The following GPC6 variants were observed in gnomAD, a reference collection of about 807,000 sequenced individuals.
GPC6 encodes the protein glypican-6.
Under a neutral mutation model 55.2 loss-of-function variants are expected in GPC6, and 14 were observed. That is an observed-to-expected ratio of 0.25 (90% CI 0.17 to 0.40). The LOEUF is 0.40. GPC6 is among the 10% of genes least tolerant of loss of function. GPC6 has a pLI of 1.00. For synonymous variants in GPC6, 278 were observed against 259.6 expected, an observed-to-expected ratio of 1.07 and a Z score of -0.68; for missense variants, 641 against 708.5, an observed-to-expected ratio of 0.90 and a Z score of 1.08.
At chr13:94,246,396 C>A (rs887375962) in intron 4 of GPC6, among the ~76,000 whole-genome samples, 13 of 151,966 alleles carry the variant, frequency 8.6e-5, no homozygotes, top group Admixed American at 3.9e-4. Flanking sequence ...GCTTTTGTAG[C>A]CTAAGATTTT....
intron 3 of GPC6, among the ~76,000 whole-genome samples, chr13:93,928,241 T>C (rs1877961908): frequency 6.6e-6 from 1 of 152,172 alleles, no homozygotes; most frequent in Non-Finnish European, 1.5e-5. Context: ...TTAAACTGTA[T>C]TGTAAAATAA....
chr13:93,998,717 GA>G (rs913949874), intron 3 of GPC6, among the ~76,000 whole-genome samples: 4 of 151,744 alleles, frequency 2.6e-5, no homozygotes, highest in Admixed American at 6.6e-5. Flanking sequence ...ATTTTTAATT[GA>G]AAAAAATTGT....
At chr13:93,794,187 A>G (rs1886131264) in intron 2 of GPC6, among the ~76,000 whole-genome samples, 2 of 152,248 alleles carry the variant, frequency 1.3e-5, no homozygotes, top group Admixed American at 1.3e-4. Flanking sequence ...CATGGTTCAA[A>G]GAGAAATAGC....
chr13:93,599,623 G>A (rs1479331186), intron 2 of GPC6, among the ~76,000 whole-genome samples: 2 of 152,152 alleles, frequency 1.3e-5, no homozygotes, highest in African/African-American at 2.4e-5. Flanking sequence ...TTAGGAGGGG[G>A]GAAGCAGAGA....
intron 3 of GPC6, among the ~76,000 whole-genome samples, chr13:93,992,541 T>A (rs1881358409): frequency 6.6e-6 from 1 of 152,182 alleles, no homozygotes; most frequent in Non-Finnish European, 1.5e-5. Flanking sequence ...AACAGAATAT[T>A]TTCCTTGCTT....
chr13:93,443,433 AT>A (rs1218257083), intron 1 of GPC6, among the ~76,000 whole-genome samples: 5 of 152,192 alleles, frequency 3.3e-5, no homozygotes, highest in Non-Finnish European at 5.9e-5. Flanking sequence ...TTTTTACTGA[AT>A]TTATTTAAGC....
At chr13:94,107,735 A>T (rs541513236) in intron 4 of GPC6, among the ~76,000 whole-genome samples, 1 of 152,174 alleles carries the variant, frequency 6.6e-6, no homozygotes, top group South Asian at 2.1e-4. Context: ...AAGGACATGA[A>T]TAGACAATTC....
chr13:94,137,384 A>G (rs948603991), intron 4 of GPC6, among the ~76,000 whole-genome samples: 10 of 152,108 alleles, frequency 6.6e-5, no homozygotes, highest in African/African-American at 2.4e-4. Flanking sequence ...GAAAATAGGC[A>G]GGGGATTTGT....
chr13:93,995,972 AG>A (rs1229363237), intron 3 of GPC6, among the ~76,000 whole-genome samples: 3 of 152,220 alleles, frequency 2.0e-5, no homozygotes, highest in Non-Finnish European at 4.4e-5. Flanking sequence ...AGATATCCTA[AG>A]AAAACTTACA....
intron 4 of GPC6, among the ~76,000 whole-genome samples, chr13:94,110,145 T>C (rs771914132): frequency 2.6e-5 from 4 of 151,666 alleles, no homozygotes; most frequent in Non-Finnish European, 5.9e-5. Context: ...GCAGAAGTCT[T>C]AATGACTTCT....
rs147877868 is a variant in GPC6, at chr13:93,427,739, CT to C, written c.161-117523del. On this transcript the variant is annotated intron_variant, in intron 1 of 8. Coordinates refer to ENST00000377047, the MANE Select transcript of GPC6 (RefSeq NM_005708.5). Reference sequence around the variant, plus strand: ...ACATTCATCTTTAAACTTCCAGCCCCTAGCACAGCAATAGCCTCATAAGCAC... The same window carrying C: ...ACATTCATCTTTAAACTTCCAGCCCCAGCACAGCAATAGCCTCATAAGCAC... Among the ~76,000 whole-genome samples, 535 of 152,218 alleles carry C rather than the reference CT, an allele frequency of 3.5e-3. 4 individuals carry two copies. The highest frequency in any genetic ancestry group is 0.012 in the African/African-American group (506 of 41,542).
intron 4 of GPC6, among the ~76,000 whole-genome samples, chr13:94,069,936 A>G (rs565170702): frequency 6.6e-6 from 1 of 152,268 alleles, no homozygotes; most frequent in African/African-American, 2.4e-5. Flanking sequence ...TCTTCCTGTT[A>G]CCCAGTTCCA....
chr13:94,107,871 A>T (rs1886112304), intron 4 of GPC6, among the ~76,000 whole-genome samples: 1 of 151,398 alleles, frequency 6.6e-6, no homozygotes, highest in African/African-American at 2.4e-5. Context: ...TGGCCATAAT[A>T]AAAAAAATTT....
At chr13:94,321,210 G>A (rs1429311795) in intron 6 of GPC6, among the ~76,000 whole-genome samples, 1 of 152,118 alleles carries the variant, frequency 6.6e-6, no homozygotes, top group East Asian at 1.9e-4. Flanking sequence ...ACAGATAGTG[G>A]CCTCCAGTTC....
chr13:94,320,958 G>C (rs1876790656), intron 6 of GPC6, among the ~76,000 whole-genome samples: 2 of 152,156 alleles, frequency 1.3e-5, no homozygotes, highest in African/African-American at 2.4e-5. Context: ...ATGCAGGTTT[G>C]TTATATAGGT....
At chr13:93,319,217 C>A (rs894719643) in intron 1 of GPC6, among the ~76,000 whole-genome samples, 4 of 152,016 alleles carry the variant, frequency 2.6e-5, no homozygotes, top group African/African-American at 9.7e-5. Flanking sequence ...GCAGTGAAAC[C>A]CTTTGGTTGA....
chr13:93,835,409 C>T (rs753294241), intron 3 of GPC6, among the ~76,000 whole-genome samples: 1 of 152,064 alleles, frequency 6.6e-6, no homozygotes, highest in African/African-American at 2.4e-5. Context: ...GAGCCGAGAT[C>T]GTGCCACTGC....
intron 1 of GPC6, among the ~76,000 whole-genome samples, chr13:93,298,668 A>T (rs557838395): frequency 9.9e-5 from 15 of 151,444 alleles, no homozygotes; most frequent in African/African-American, 3.6e-4. Context: ...GGCTAGTCTC[A>T]AATTCCTAGG....
chr13:93,746,230 T>C (rs2138856096), intron 2 of GPC6, among the ~76,000 whole-genome samples: 1 of 152,314 alleles, frequency 6.6e-6, no homozygotes, highest in Middle Eastern at 3.4e-3. Flanking sequence ...GGTGTCACAA[T>C]GCGAAGGTCA....
Sources: allele counts gnomAD v4.1 joint callset (sites outside exome capture counted in the v4.1 genomes callset), GRCh38; gene constraint gnomAD v4.1.1; transcripts MANE v1.5; gene names NCBI Gene and HGNC (gene_info 2026-07-23, HGNC 2026-07-21).